KCNAB1: variants seen among roughly 807,000 people sequenced by gnomAD.
The protein encoded by KCNAB1 is potassium voltage-gated channel subfamily A regulatory beta subunit 1.
A neutral mutation model predicts 64.6 loss-of-function variants in KCNAB1; 35 were observed. That is an observed-to-expected ratio of 0.54 (90% CI 0.41 to 0.72). The LOEUF (loss-of-function observed/expected upper bound fraction) is 0.72. Among genes scored for constraint, KCNAB1 ranks in the 30% least tolerant of loss-of-function variants. The pLI is 0.00. For synonymous variants in KCNAB1, 177 were observed against 183.8 expected, an observed-to-expected ratio of 0.96 and a Z score of 0.30; for missense variants, 401 against 512.9, an observed-to-expected ratio of 0.78 and a Z score of 2.11.
intron 1 of KCNAB1, among the ~76,000 whole-genome samples, chr3:156,251,415 A>T (rs1717822165): frequency 6.6e-6 from 1 of 152,228 alleles, no homozygotes; most frequent in Non-Finnish European, 1.5e-5. Context: ...GGACGACAAC[A>T]CCAGGGCTAA....
chr3:156,370,444 A>G (rs1726228866), intron 1 of KCNAB1, among the ~76,000 whole-genome samples: 1 of 152,236 alleles, frequency 6.6e-6, no homozygotes, highest in African/African-American at 2.4e-5. Context: ...GAAATAATCC[A>G]TAATACCAAA....
chr3:156,473,787 G>A (rs1442570561), intron 7 of KCNAB1, among the ~76,000 whole-genome samples: 1 of 152,126 alleles, frequency 6.6e-6, no homozygotes, highest in East Asian at 1.9e-4. Context: ...CTATAATAAA[G>A]AGACTAAAGC....
chr3:156,229,582 A>C (rs1241018607), intron 1 of KCNAB1, among the ~76,000 whole-genome samples: 1 of 152,212 alleles, frequency 6.6e-6, no homozygotes, highest in East Asian at 1.9e-4. Context: ...AAGTGTAATC[A>C]ATGGAGGAGT....
At chr3:156,463,149 A>G (rs1286936319) in intron 5 of KCNAB1, among the ~76,000 whole-genome samples, 2 of 152,198 alleles carry the variant, frequency 1.3e-5, no homozygotes, top group Non-Finnish European at 2.9e-5. Context: ...CTATGTAGTC[A>G]GTTCCTGCCT....
At chr3:156,528,146 C>T (rs1418905031) in intron 12 of KCNAB1, among the ~76,000 whole-genome samples, 2 of 144,778 alleles carry the variant, frequency 1.4e-5, no homozygotes, top group African/African-American at 5.2e-5. Flanking sequence ...AAAAATAGTT[C>T]TCAGTGCAAA....
rs148179775 is a variant in KCNAB1 at position 156,335,181 on chromosome 3, G to A, written c.276-86435G>A. ...ACACACTATTAATTTTCCTGTCTCA[G>A]TGACTTTATCCTTGGCATTCCTTCA... is the stretch of plus-strand genomic sequence containing the variant. On this transcript the variant is annotated intron_variant, in intron 1 of 13. Coordinates refer to ENST00000490337, the MANE Select transcript of KCNAB1 (RefSeq NM_172160.3). Among the ~76,000 whole-genome samples the A allele has an allele frequency of 1.6e-3, 248 of 152,288 alleles. 1 individual carries two copies. The Middle Eastern group carries it at 0.017, about 10-fold the overall frequency.
At chr3:156,291,638 C>T (rs1036058192) in intron 1 of KCNAB1, 1 of 1,346,244 alleles carries the variant, frequency 7.4e-7, no homozygotes, top group African/African-American at 1.5e-5. Flanking sequence ...GATTTGCAAA[C>T]CTGATTCTCC....
intron 1 of KCNAB1, among the ~76,000 whole-genome samples, chr3:156,204,667 C>A (rs1351716182): frequency 2.0e-5 from 3 of 152,066 alleles, no homozygotes; most frequent in Non-Finnish European, 4.4e-5. Context: ...CCCATCTCTA[C>A]TAAAAATAAC....
intron 1 of KCNAB1, among the ~76,000 whole-genome samples, chr3:156,420,254 A>G (rs975244587): frequency 6.6e-6 from 1 of 152,256 alleles, no homozygotes; most frequent in African/African-American, 2.4e-5. Flanking sequence ...ATAGACATCA[A>G]CGCTACATCT....
intron 8 of KCNAB1, among the ~76,000 whole-genome samples, chr3:156,496,691 A>C (rs916131218): frequency 6.6e-6 from 1 of 152,224 alleles, no homozygotes; most frequent in East Asian, 1.9e-4. Flanking sequence ...CATGTAGTAG[A>C]AGCAATGTCT....
At chr3:156,219,258 A>G (rs954591155) in intron 1 of KCNAB1, among the ~76,000 whole-genome samples, 2 of 152,102 alleles carry the variant, frequency 1.3e-5, no homozygotes, top group African/African-American at 4.8e-5. Flanking sequence ...GAGAACATAA[A>G]TAAAATAGAA....
chr3:156,320,713 A>G (rs1410875050), intron 1 of KCNAB1, among the ~76,000 whole-genome samples: 2 of 152,126 alleles, frequency 1.3e-5, no homozygotes, highest in Admixed American at 1.3e-4. Flanking sequence ...GGGCTGGCCT[A>G]CAAAGACACC....
chr3:156,120,044 TG>T (rs1473468626), upstream of KCNAB1, among the ~76,000 whole-genome samples: 1 of 152,216 alleles, frequency 6.6e-6, no homozygotes, highest in Non-Finnish European at 1.5e-5. Context: ...ATACGTTATG[TG>T]GTTCACTGAC....
chr3:156,171,903 T>G (rs1013790171), intron 1 of KCNAB1, among the ~76,000 whole-genome samples: 4 of 152,246 alleles, frequency 2.6e-5, no homozygotes, highest in Non-Finnish European at 4.4e-5. Flanking sequence ...TTTGTAATTA[T>G]TTAATCTGAC....
At chr3:156,532,570 A>G (rs1185549947) in intron 13 of KCNAB1, among the ~76,000 whole-genome samples, 1 of 152,188 alleles carries the variant, frequency 6.6e-6, no homozygotes. Context: ...AGCAACAAAC[A>G]TGATTTAAAA....
chr3:156,418,809 C>G (rs994136680), intron 1 of KCNAB1, among the ~76,000 whole-genome samples: 5 of 152,174 alleles, frequency 3.3e-5, no homozygotes, highest in African/African-American at 1.2e-4. Context: ...CATAACTGTT[C>G]TATCTAGAGG....
intron 8 of KCNAB1, among the ~76,000 whole-genome samples, chr3:156,490,573 C>A (rs1715559030): frequency 2.0e-5 from 3 of 151,962 alleles, no homozygotes; most frequent in Admixed American, 2.0e-4. Context: ...AAAGATTTTA[C>A]ATATTTAAAA....
intron 1 of KCNAB1, among the ~76,000 whole-genome samples, chr3:156,299,236 G>T (rs1720995889): frequency 6.6e-6 from 1 of 152,236 alleles, no homozygotes; most frequent in Non-Finnish European, 1.5e-5. Context: ...AACACTTCTA[G>T]AAAGGACAAT....
At chr3:156,455,586 G>A (rs1456749941) in intron 3 of KCNAB1, among the ~76,000 whole-genome samples, 2 of 152,140 alleles carry the variant, frequency 1.3e-5, no homozygotes, top group Non-Finnish European at 2.9e-5. Flanking sequence ...CTGTAAGGTA[G>A]TTAAGGTACC....
Sources: gnomAD v4.1 joint callset for allele counts (sites outside exome capture counted in the v4.1 genomes callset) on GRCh38, gnomAD v4.1.1 for gene constraint, MANE v1.5 for transcripts, NCBI Gene and HGNC (gene_info 2026-07-23, HGNC 2026-07-21) for gene names.